Variants in DPP6 observed in about 807,000 individuals in gnomAD.
DPP6 encodes A-type potassium channel modulatory protein DPP6.
DPP6 carries 69 observed loss-of-function variants against 122.6 expected under a neutral mutation model. That is an observed-to-expected ratio of 0.56 (90% CI 0.46 to 0.69). The LOEUF (loss-of-function observed/expected upper bound fraction) is 0.69. DPP6 is among the 30% of genes least tolerant of loss of function. DPP6 has a pLI of 0.00. For synonymous variants in DPP6, 418 were observed against 433.1 expected, an observed-to-expected ratio of 0.97 and a Z score of 0.43; for missense variants, 928 against 1,116.9, an observed-to-expected ratio of 0.83 and a Z score of 2.41.
chr7:154,561,600 A>G (rs1830430664), intron 4 of DPP6, among the ~76,000 whole-genome samples: 1 of 152,242 alleles, frequency 6.6e-6, no homozygotes, highest in Non-Finnish European at 1.5e-5. Context: ...AGGGGAATTT[A>G]TATCTTTAAC....
chr7:154,179,309 G>A (rs566896342), intron 1 of DPP6, among the ~76,000 whole-genome samples: 9 of 152,152 alleles, frequency 5.9e-5, no homozygotes, highest in Non-Finnish European at 1.3e-4. Flanking sequence ...CAGAACAAAG[G>A]ACAAAATGAG....
At chr7:154,443,463 C>G (rs774083673) in intron 1 of DPP6, among the ~76,000 whole-genome samples, 1 of 151,602 alleles carries the variant, frequency 6.6e-6, no homozygotes, top group Non-Finnish European at 1.5e-5. Flanking sequence ...ATAGTAAGCC[C>G]TAGATAAACA....
At chr7:154,492,212 G>T (rs1437603439) in intron 3 of DPP6, among the ~76,000 whole-genome samples, 2 of 152,170 alleles carry the variant, frequency 1.3e-5, no homozygotes, top group African/African-American at 4.8e-5. Flanking sequence ...ATTTGATTAT[G>T]CTGGGGGCTG....
In DPP6 at chr7:154,798,852, C is replaced by T. The variant is rs144024817; in HGVS notation, c.1300-2503C>T. Among the ~76,000 whole-genome samples the T allele has an allele frequency of 1.6e-4, 24 of 152,322 alleles. No homozygotes were observed. In the East Asian group the frequency reaches 4.0e-3, roughly 26 times the overall value. Reference sequence around the variant, plus strand: ...CAATCTGTAGTGTTTCTGCATCCCTCGAGTTACTGTGATATCCTGGAGAAC... The same window carrying T: ...CAATCTGTAGTGTTTCTGCATCCCTTGAGTTACTGTGATATCCTGGAGAAC... On this transcript the variant is annotated intron_variant, in intron 12 of 25. Coordinates refer to ENST00000377770, the MANE Select transcript of DPP6 (RefSeq NM_130797.4).
intron 3 of DPP6, among the ~76,000 whole-genome samples, chr7:154,538,015 A>G (rs763863429): frequency 3.9e-5 from 6 of 152,162 alleles, no homozygotes; most frequent in Non-Finnish European, 7.4e-5. Flanking sequence ...GGAACACAGT[A>G]AATATCACCT....
At chr7:154,449,955 GTT>G in intron 2 of DPP6, among the ~76,000 whole-genome samples, 1 of 151,958 alleles carries the variant, frequency 6.6e-6, no homozygotes, top group East Asian at 1.9e-4. Context: ...GTTGCAGTGA[GTT>G]GAGATCGTGC....
intron 1 of DPP6, among the ~76,000 whole-genome samples, chr7:154,140,600 C>T (rs1251932302): frequency 6.6e-6 from 1 of 152,110 alleles, no homozygotes; most frequent in Non-Finnish European, 1.5e-5. Flanking sequence ...GGATTACAGG[C>T]GTGAAACACT....
At chr7:153,810,764 TA>T in the DPP6 span, among the ~76,000 whole-genome samples, 1 of 151,026 alleles carries the variant, frequency 6.6e-6, no homozygotes, top group African/African-American at 2.4e-5. Context: ...TAGTTCTTGC[TA>T]AGATACTCAA....
chr7:154,633,162 C>T (rs927911338), intron 5 of DPP6, among the ~76,000 whole-genome samples: 3 of 152,112 alleles, frequency 2.0e-5, no homozygotes, highest in African/African-American at 7.2e-5. Context: ...AGCAGCCTTA[C>T]TAATTTCCAA....
At chr7:154,509,194 AATCT>A (rs1370236392) in intron 3 of DPP6, among the ~76,000 whole-genome samples, 1 of 152,220 alleles carries the variant, frequency 6.6e-6, no homozygotes, top group East Asian at 1.9e-4. Context: ...GGGAAAAGGC[AATCT>A]ATCAAGTGGG....
At chr7:154,731,646 C>T (rs771918689) in intron 8 of DPP6, among the ~76,000 whole-genome samples, 22 of 152,198 alleles carry the variant, frequency 1.4e-4, no homozygotes, top group Non-Finnish European at 2.9e-4. Flanking sequence ...ATGGTGGCCA[C>T]AAACTGATTT....
intron 5 of DPP6, among the ~76,000 whole-genome samples, chr7:154,634,307 C>T (rs1835591884): frequency 2.0e-5 from 3 of 151,692 alleles, no homozygotes; most frequent in Admixed American, 2.0e-4. Flanking sequence ...TGATGGTTTC[C>T]ACCTTCATCC....
intron 1 of DPP6, among the ~76,000 whole-genome samples, chr7:154,078,472 G>A (rs1328051190): frequency 6.6e-6 from 1 of 151,982 alleles, no homozygotes; most frequent in Admixed American, 6.6e-5. Flanking sequence ...AATCTTGAAA[G>A]TGTCTTAGAT....
chr7:153,764,870 G>A, the DPP6 span, among the ~76,000 whole-genome samples: 1 of 152,092 alleles, frequency 6.6e-6, no homozygotes, highest in Non-Finnish European at 1.5e-5. Flanking sequence ...CTCTTCACAT[G>A]GGGCTGCCTG....
chr7:153,852,059 C>A, the DPP6 span, among the ~76,000 whole-genome samples: 1 of 152,118 alleles, frequency 6.6e-6, no homozygotes, highest in Non-Finnish European at 1.5e-5. Context: ...GTGTGTTATT[C>A]AGCCTTTGGA....
At chr7:153,860,674 G>A in the DPP6 span, among the ~76,000 whole-genome samples, 1 of 150,244 alleles carries the variant, frequency 6.7e-6, no homozygotes, top group Non-Finnish European at 1.5e-5. Context: ...AAGGGGCCCT[G>A]TATTAAACTT....
chr7:154,625,898 A>G (rs1443490501), intron 5 of DPP6, among the ~76,000 whole-genome samples: 1 of 152,236 alleles, frequency 6.6e-6, no homozygotes, highest in African/African-American at 2.4e-5. Context: ...AAGACAGTAA[A>G]TCGAGCAAGA....
the DPP6 span, among the ~76,000 whole-genome samples, chr7:153,814,286 C>T: frequency 6.6e-6 from 1 of 152,170 alleles, no homozygotes; most frequent in African/African-American, 2.4e-5. Context: ...CACCACCCAT[C>T]CCACAGAAAT....
At chr7:154,196,893 C>G (rs1212493634) in intron 1 of DPP6, among the ~76,000 whole-genome samples, 1 of 152,136 alleles carries the variant, frequency 6.6e-6, no homozygotes, top group African/African-American at 2.4e-5. Flanking sequence ...AAATTCATCT[C>G]TACCCCCTAA....
Sources: allele counts gnomAD v4.1 joint callset (sites outside exome capture counted in the v4.1 genomes callset), GRCh38; gene constraint gnomAD v4.1.1; transcripts MANE v1.5; gene names NCBI Gene and HGNC (gene_info 2026-07-23, HGNC 2026-07-21).